MYSM1: variants seen among roughly 807,000 people sequenced by gnomAD.
MYSM1 encodes the protein deubiquitinase MYSM1.
In MYSM1, 51 loss-of-function variants were observed where a neutral mutation model predicts 116.0. That is an observed-to-expected ratio of 0.44 (90% CI 0.35 to 0.56). The LOEUF is 0.56. Among genes scored for constraint, MYSM1 ranks in the 20% least tolerant of loss-of-function variants. The pLI, the probability that MYSM1 is intolerant of heterozygous loss-of-function variation, is 0.00. For missense variants in MYSM1, 900 were observed against 974.9 expected, an observed-to-expected ratio of 0.92 and a Z score of 1.02; for synonymous variants, 313 against 315.2, an observed-to-expected ratio of 0.99 and a Z score of 0.07.
At position 58,660,058 on chromosome 1, in the gene MYSM1, T is replaced by A. The variant is rs1644368913; in HGVS notation, c.2426A>T (p.Tyr809Phe). 6.2e-7 allele frequency: 1 copy of A among 1,610,314 alleles called. No homozygotes were observed. The highest frequency in any genetic ancestry group is 8.5e-7 in the Non-Finnish European group (1 of 1,177,836). The change falls in exon 20 of 20, where the codon TAT becomes TTT. Residue 809 changes from tyrosine (Y) to phenylalanine (F), a missense_variant. Coordinates refer to ENST00000472487, the MANE Select transcript of MYSM1 (RefSeq NM_001085487.3). ...TEIENLFLSN[Y>F]KSNQENGVTE... ...TACTCCATTCTCTTGGTTGCTTTTA[T>A]AATTGGAAAGGAACAAATTTTCTAT...
rs183921217 is a variant in MYSM1 at position 58,687,037 on chromosome 1, A to C, written c.400-1786T>G. The stretch of plus-strand genomic sequence containing the variant: ...CAGTTTCAAAATAGAGCAAAGGGAG[A>C]GTCCCATGCCCAAAAAAGGGAAGGA... On this transcript the variant is annotated intron_variant, in intron 6 of 19. Coordinates refer to ENST00000472487, the MANE Select transcript of MYSM1 (RefSeq NM_001085487.3). Among the ~76,000 whole-genome samples the C allele has an allele frequency of 9.2e-5, 14 of 152,160 alleles. No individual in the cohort carries two copies. In the East Asian group the frequency reaches 2.7e-3, roughly 29 times the overall value.
chr1:58,662,464 T>C (rs1644408226), intron 17 of MYSM1, among the ~76,000 whole-genome samples: 1 of 61,628 alleles, frequency 1.6e-5, no homozygotes, highest in African/African-American at 4.7e-5. Flanking sequence ...ACCCCCCCCT[T>C]TTTTTTTTTT....
rs750857915 is a variant in MYSM1 at position 58,695,168 on chromosome 1, G to A, written c.108C>T (p.His36=). 6.2e-7 allele frequency: 1 copy of A among 1,605,458 alleles called. No individual in the cohort carries two copies. Among genetic ancestry groups the A allele is most frequent in the Non-Finnish European group, 8.5e-7 (1 of 1,172,774 alleles). Residue 36 remains histidine, a synonymous_variant, in exon 2 of 20, where the codon CAC becomes CAT. Coordinates refer to ENST00000472487, the MANE Select transcript of MYSM1 (RefSeq NM_001085487.3). ...ENTASVLQKD[H]YLDSSWRTEN... Reference sequence around the variant, plus strand: ...CTGTTCTCCAAGATGAATCAAGATAGTGATCTTTTTGTAAAACTGATGCTG... The same window carrying A: ...CTGTTCTCCAAGATGAATCAAGATAATGATCTTTTTGTAAAACTGATGCTG...
At chr1:58,672,565 AAAAT>A (rs1180106503) in intron 11 of MYSM1, among the ~76,000 whole-genome samples, 5 of 152,178 alleles carry the variant, frequency 3.3e-5, no homozygotes, top group Non-Finnish European at 7.4e-5. Context: ...AAGTGTTTAT[AAAAT>A]AAAGTAAATC....
At chr1:58,692,110 G>A (rs1644913722) in intron 3 of MYSM1, among the ~76,000 whole-genome samples, 1 of 152,116 alleles carries the variant, frequency 6.6e-6, no homozygotes, top group Admixed American at 6.6e-5. Flanking sequence ...TGTCTGGGGA[G>A]AATTAGAGAA....
chr1:58,699,378 C>T (rs1645029485), intron 1 of MYSM1, among the ~76,000 whole-genome samples: 1 of 152,176 alleles, frequency 6.6e-6, no homozygotes, highest in African/African-American at 2.4e-5. Flanking sequence ...TCATGACTCC[C>T]AGTTTAAATA....
chr1:58,678,589 C>G (rs1045742078), intron 8 of MYSM1, among the ~76,000 whole-genome samples: 5 of 152,118 alleles, frequency 3.3e-5, no homozygotes, highest in Non-Finnish European at 7.4e-5. Flanking sequence ...AGATAAAAAT[C>G]TGCCCTCATG....
At position 58,654,828 on chromosome 1, in the gene MYSM1, T is replaced by C. The variant is rs2100570175; in HGVS notation, c.*5169A>G. On this transcript the variant is annotated 3_prime_UTR_variant, in exon 20 of 20. Transcript: ENST00000472487. ...CAAAATCCAAAAGCTTAAAATCAGA[T>C]ATCTTATAATGTGTCACAATTAAGT... The C allele has an allele frequency of 6.6e-6, 1 of 152,352 alleles. No homozygotes were observed. Among genetic ancestry groups the C allele is most frequent in the South Asian group, 2.1e-4 (1 of 4,830 alleles). 9.4% of individuals were successfully genotyped at this position (152,352 alleles called of 1,614,324 possible).
At chr1:58,672,608 C>G (rs1001041557) in intron 11 of MYSM1, among the ~76,000 whole-genome samples, 2 of 152,034 alleles carry the variant, frequency 1.3e-5, no homozygotes, top group Non-Finnish European at 2.9e-5. Context: ...CCAACTTACA[C>G]CCTAGTCCAA....
chr1:58,687,724 CG>C (rs1644847950), intron 6 of MYSM1, among the ~76,000 whole-genome samples: 1 of 152,174 alleles, frequency 6.6e-6, no homozygotes, highest in African/African-American at 2.4e-5. Context: ...GACATCCCGC[CG>C]GAACAAGGGC....
intron 14 of MYSM1, 60 bp from the exon 15 acceptor site, chr1:58,667,981 A>G: frequency 8.8e-7 from 1 of 1,133,490 alleles, no homozygotes; most frequent in Middle Eastern, 2.0e-4. Flanking sequence ...CAAAGTAACA[A>G]AACTCACTTA....
At chr1:58,699,836 C>T (rs553236564) in intron 1 of MYSM1, 149 bp downstream of exon 1, 26 of 1,416,558 alleles carry the variant, frequency 1.8e-5, no homozygotes, top group African/African-American at 8.7e-5. Flanking sequence ...AGCCGGCGGG[C>T]GAGGTGCCTC....
At chr1:58,694,277 C>T (rs1469902841) in intron 2 of MYSM1, among the ~76,000 whole-genome samples, 3 of 152,158 alleles carry the variant, frequency 2.0e-5, no homozygotes, top group East Asian at 1.9e-4. Flanking sequence ...TCATTGTAGT[C>T]GTATTCTCCA....
At chr1:58,669,178 C>T (rs1423564099) in intron 12 of MYSM1, 140 bp from the exon 13 acceptor site, 3 of 605,504 alleles carry the variant, frequency 5.0e-6, no homozygotes, top group African/African-American at 1.9e-5. Context: ...ATTCCATAAA[C>T]CCTTTCGAAA....
chr1:58,668,543 C>T (rs965731711), intron 14 of MYSM1, 89 bp downstream of exon 14: 9 of 1,445,678 alleles, frequency 6.2e-6, no homozygotes, highest in East Asian at 5.5e-5. Flanking sequence ...CCAAAATACA[C>T]GTCTTCCATA....
Position 58,659,908 on chromosome 1 carries a change from T to C in MYSM1, c.*89A>G. ...AAATAGAGAAAAAATACCAAAGCTG[T>C]GCCAATGTTAACTACAATCACTTCA... On this transcript the variant is annotated 3_prime_UTR_variant, in exon 20 of 20. Coordinates refer to ENST00000472487, the MANE Select transcript of MYSM1 (RefSeq NM_001085487.3). 3 of 844,110 alleles carry C rather than the reference T, an allele frequency of 3.6e-6. No homozygotes were observed. The highest frequency in any genetic ancestry group is 3.4e-6 in the Non-Finnish European group (2 of 583,618). 52.3% of individuals were successfully genotyped at this position (844,110 alleles called of 1,614,324 possible).
At chr1:58,684,139 T>C (rs985627501) in intron 7 of MYSM1, among the ~76,000 whole-genome samples, 11 of 152,174 alleles carry the variant, frequency 7.2e-5, no homozygotes, top group African/African-American at 2.2e-4. Flanking sequence ...ACCACCTATG[T>C]CTAGACAACA....
chr1:58,668,317 A>G, intron 14 of MYSM1: 4 of 646,264 alleles, frequency 6.2e-6, no homozygotes, highest in Non-Finnish European at 8.4e-6. Context: ...AAACAAAAAA[A>G]CCCTCCAAAT....
In MYSM1 at chr1:58,693,630, T is replaced by C. The variant is rs146308831; in HGVS notation, c.148-699A>G. Among the ~76,000 whole-genome samples, 741 of 152,208 alleles carry C rather than the reference T, an allele frequency of 4.9e-3. 11 individuals carry two copies. The highest frequency in any genetic ancestry group is 0.017 in the African/African-American group (692 of 41,518). On this transcript the variant is annotated intron_variant, in intron 2 of 19. Transcript: ENST00000472487. ...ATCCAATCTATCAACCAGTTCTACC[T>C]CCAAAATATAATTCAAATCTATCTA... is the stretch of plus-strand genomic sequence containing the variant.
Sources: allele counts gnomAD v4.1 joint callset (sites outside exome capture counted in the v4.1 genomes callset), GRCh38; gene constraint gnomAD v4.1.1; transcripts MANE v1.5; gene names NCBI Gene and HGNC (gene_info 2026-07-23, HGNC 2026-07-21).